DNAH14: variants seen among roughly 807,000 people sequenced by gnomAD.
The protein encoded by DNAH14 is dynein axonemal heavy chain 14.
A neutral mutation model predicts 520.9 loss-of-function variants in DNAH14; 478 were observed. The observed-to-expected ratio is 0.92, with a 90% CI of 0.85 to 0.99. The LOEUF is 0.99. Among genes scored for constraint, DNAH14 ranks in the 50% least tolerant of loss-of-function variants. The pLI is 0.00. For missense variants in DNAH14, 4,831 were observed against 5,234.5 expected, an observed-to-expected ratio of 0.92 and a Z score of 2.38; for synonymous variants, 1,581 against 1,757.2, an observed-to-expected ratio of 0.90 and a Z score of 2.51.
intron 38 of DNAH14, among the ~76,000 whole-genome samples, chr1:225,199,787 A>G (rs1436444380): frequency 6.7e-6 from 1 of 149,140 alleles, no homozygotes; most frequent in Non-Finnish European, 1.5e-5. Context: ...ATTTCCATGC[A>G]CTGATGAATA....
chr1:225,072,584 A>G (rs1386739528), intron 17 of DNAH14, among the ~76,000 whole-genome samples: 9 of 152,324 alleles, frequency 5.9e-5, no homozygotes, highest in South Asian at 4.1e-4. Flanking sequence ...GAGGTATTGC[A>G]GTCATTTGGA....
intron 5 of DNAH14, 47 bp from the exon 6 acceptor site, chr1:224,967,384 T>G (rs772500314): frequency 7.2e-7 from 1 of 1,384,012 alleles, no homozygotes; most frequent in South Asian, 1.6e-5. Context: ...TTTAGTTAAT[T>G]TAGTCAAATT....
chr1:225,221,235 A>G (rs993860413), intron 41 of DNAH14, among the ~76,000 whole-genome samples: 2 of 152,236 alleles, frequency 1.3e-5, no homozygotes, highest in African/African-American at 4.8e-5. Context: ...ACCATTCAGG[A>G]CATAGGCATG....
intron 1 of DNAH14, among the ~76,000 whole-genome samples, chr1:224,951,749 C>CA (rs1161759574): frequency 6.8e-6 from 1 of 147,284 alleles, no homozygotes; most frequent in East Asian, 2.0e-4. Context: ...CTCCCAGGTT[C>CA]ACACCATTCT....
chr1:225,311,064 A>G (rs2094354409), intron 60 of DNAH14, among the ~76,000 whole-genome samples: 1 of 152,214 alleles, frequency 6.6e-6, no homozygotes, highest in African/African-American at 2.4e-5. Context: ...ACTCCCACCA[A>G]CAGGGTAAAA....
At chr1:225,034,898 T>G (rs928664404) in intron 11 of DNAH14, among the ~76,000 whole-genome samples, 9 of 152,154 alleles carry the variant, frequency 5.9e-5, no homozygotes, top group Admixed American at 3.3e-4. Flanking sequence ...TTGTTTTTAT[T>G]TCTATGGGGT....
intron 11 of DNAH14, among the ~76,000 whole-genome samples, chr1:225,029,385 A>G (rs2066368847): frequency 1.3e-5 from 2 of 152,052 alleles, no homozygotes; most frequent in East Asian, 1.9e-4. Context: ...GTCAAAATTC[A>G]TTAGAACTGC....
intron 60 of DNAH14, among the ~76,000 whole-genome samples, chr1:225,317,223 G>A (rs2094483839): frequency 6.6e-6 from 1 of 152,056 alleles, no homozygotes; most frequent in Non-Finnish European, 1.5e-5. Flanking sequence ...TTCTTCCAAT[G>A]TGATCATATG....
At position 225,399,234 on chromosome 1, in the gene DNAH14, C is replaced by A. The variant is rs554918900; in HGVS notation, c.13819C>A (p.Arg4607=). ...KKPPSHWITM[R]VALLCEKNEK is the part of the protein sequence containing the mutation. ...ACCTCCTAGTCACTGGATCACAATG[C>A]GGGTTGCATTGCTTTGTGAGAAGAA... Residue 4607 remains arginine (R), a synonymous_variant, in exon 86 of 86, where the codon CGG becomes AGG. Coordinates refer to ENST00000682510, the MANE Select transcript of DNAH14 (RefSeq NM_001367479.1). 4 of 1,551,394 alleles carry A rather than the reference C, an allele frequency of 2.6e-6. No individual in the cohort carries two copies. The highest frequency in any genetic ancestry group is 1.2e-5 in the South Asian group (1 of 84,058).
At chr1:225,139,441 T>C (rs2079235108) in intron 27 of DNAH14, among the ~76,000 whole-genome samples, 1 of 152,186 alleles carries the variant, frequency 6.6e-6, no homozygotes, top group South Asian at 2.1e-4. Context: ...TACCTACTGC[T>C]CATTTTCCAT....
intron 27 of DNAH14, among the ~76,000 whole-genome samples, chr1:225,132,395 T>C (rs923467605): frequency 6.6e-6 from 1 of 151,438 alleles, no homozygotes; most frequent in Non-Finnish European, 1.5e-5. Flanking sequence ...TGTGTGTTGT[T>C]CCTGCCACCC....
intron 61 of DNAH14, among the ~76,000 whole-genome samples, chr1:225,319,751 C>T (rs985551983): frequency 2.6e-5 from 4 of 152,050 alleles, no homozygotes; most frequent in African/African-American, 7.2e-5. Flanking sequence ...TAGCAGTTAA[C>T]GGTTGTGGAA....
chr1:225,334,494 C>G (rs1356345269), intron 66 of DNAH14, among the ~76,000 whole-genome samples: 1 of 150,600 alleles, frequency 6.6e-6, no homozygotes. Context: ...AAGACCCTGT[C>G]TCTAAAAGAA....
chr1:225,265,014 A>G (rs925553229), intron 47 of DNAH14, among the ~76,000 whole-genome samples, 168 bp from the exon 48 acceptor site: 1 of 152,208 alleles, frequency 6.6e-6, no homozygotes, highest in African/African-American at 2.4e-5. Context: ...GCTGTTTACC[A>G]TAAAATAGCA....
At chr1:225,367,018 C>T (rs1182271072) in intron 76 of DNAH14, among the ~76,000 whole-genome samples, 1 of 47,466 alleles carries the variant, frequency 2.1e-5, no homozygotes, top group Admixed American at 2.3e-4. Context: ...TACACACACA[C>T]ACACACACAC....
At position 225,007,564 on chromosome 1, in the gene DNAH14, A is replaced by G. The variant is rs764339083; in HGVS notation, c.1107+20A>G. 5.4e-6 allele frequency: 8 copies of G among 1,479,516 alleles called. No individual in the cohort carries two copies. The South Asian group carries it at 6.7e-5, about 12-fold the overall frequency. The allele number at this position is 1,479,516 out of a possible 1,614,324, so 91.6% of individuals were successfully genotyped here. ...CTAAAGGTAATTCTTTAATTATATC[A>G]TATTTATCAAAGTTGCAATTTACTA... On this transcript the variant is annotated intron_variant, in intron 10 of 85. Coordinates refer to ENST00000682510, the MANE Select transcript of DNAH14 (RefSeq NM_001367479.1).
At chr1:225,220,178 A>G (rs2089903379) in intron 41 of DNAH14, among the ~76,000 whole-genome samples, 1 of 152,232 alleles carries the variant, frequency 6.6e-6, no homozygotes, top group South Asian at 2.1e-4. Flanking sequence ...AGAGCTATTT[A>G]TGACAAACCC....
intron 10 of DNAH14, among the ~76,000 whole-genome samples, chr1:225,008,249 T>G (rs902007737): frequency 2.0e-5 from 3 of 152,186 alleles, no homozygotes; most frequent in African/African-American, 7.2e-5. Context: ...GCAAAGGACA[T>G]GAACTCATTC....
chr1:225,125,348 G>T (rs2077633945), intron 27 of DNAH14, among the ~76,000 whole-genome samples: 1 of 152,152 alleles, frequency 6.6e-6, no homozygotes. Flanking sequence ...CCAATAGAAG[G>T]CTATCTCATC....
Sources: allele counts gnomAD v4.1 joint callset (sites outside exome capture counted in the v4.1 genomes callset), GRCh38; gene constraint gnomAD v4.1.1; transcripts MANE v1.5; gene names NCBI Gene and HGNC (gene_info 2026-07-23, HGNC 2026-07-21).